Variants in CRYBG1 observed in about 807,000 individuals in gnomAD.
CRYBG1 encodes beta/gamma crystallin domain-containing protein 1.
Under a neutral mutation model 189.2 loss-of-function variants are expected in CRYBG1, and 139 were observed. That is an observed-to-expected ratio of 0.73 (90% CI 0.64 to 0.85). The LOEUF is 0.85. Ranked by LOEUF, CRYBG1 falls within the 40% of genes least tolerant of loss-of-function variation. The probability of loss-of-function intolerance (pLI) is 0.00; values close to 1 mark genes in which losing one functional copy is unlikely to be tolerated. For missense variants in CRYBG1, 2,611 were observed against 2,675.8 expected, an observed-to-expected ratio of 0.98 and a Z score of 0.53; for synonymous variants, 1,023 against 1,017.1, an observed-to-expected ratio of 1.01 and a Z score of -0.11.
At chr6:106,478,061 A>AAG (rs1772367390) in intron 2 of CRYBG1, among the ~76,000 whole-genome samples, 2 of 152,212 alleles carry the variant, frequency 1.3e-5, no homozygotes, top group Non-Finnish European at 2.9e-5. Context: ...CTGTGCCCCT[A>AAG]AGCTGGGATG....
At chr6:106,466,760 G>A (rs532551239) in intron 2 of CRYBG1, among the ~76,000 whole-genome samples, 79 of 152,312 alleles carry the variant, frequency 5.2e-4, no homozygotes, top group African/African-American at 1.9e-3. Flanking sequence ...AGTAGAATGT[G>A]TTTGGCTACA....
At chr6:106,462,050 G>A (rs1193467751) in intron 2 of CRYBG1, among the ~76,000 whole-genome samples, 1 of 152,164 alleles carries the variant, frequency 6.6e-6, no homozygotes, top group Non-Finnish European at 1.5e-5. Flanking sequence ...ATTATGCAAG[G>A]CTAACTAAGT....
At chr6:106,458,511 C>A (rs763342116) in intron 2 of CRYBG1, among the ~76,000 whole-genome samples, 2 of 152,146 alleles carry the variant, frequency 1.3e-5, no homozygotes, top group Non-Finnish European at 2.9e-5. Context: ...CCTTGTCAGA[C>A]TAGGAAGCCC....
chr6:106,458,139 G>A (rs1227456303), intron 2 of CRYBG1, among the ~76,000 whole-genome samples: 1 of 152,232 alleles, frequency 6.6e-6, no homozygotes, highest in Non-Finnish European at 1.5e-5. Flanking sequence ...AGTGGTTTAA[G>A]TTGTATTGTG....
chr6:106,398,333 G>A (rs1770651943), intron 1 of CRYBG1, among the ~76,000 whole-genome samples: 1 of 152,102 alleles, frequency 6.6e-6, no homozygotes, highest in African/African-American at 2.4e-5. Context: ...TGGGCAACAT[G>A]GCAAGGAGGC....
chr6:106,488,233 T>C (rs1024470813), intron 2 of CRYBG1, among the ~76,000 whole-genome samples: 3 of 152,190 alleles, frequency 2.0e-5, no homozygotes, highest in African/African-American at 7.2e-5. Context: ...CTCTCCTTAA[T>C]GGCATGGTCA....
chr6:106,528,236 T>C (rs559857727), intron 7 of CRYBG1, among the ~76,000 whole-genome samples: 1 of 152,328 alleles, frequency 6.6e-6, no homozygotes, highest in East Asian at 1.9e-4. Flanking sequence ...TGGTAATTGG[T>C]ATGCTAAATG....
rs116875931 is a variant in CRYBG1, at chr6:106,546,733, A to G, written c.5312+1800A>G. 1.3e-4 allele frequency among the ~76,000 whole-genome samples: 20 copies of G among 152,358 alleles called. No individual in the cohort carries two copies. The East Asian group carries it at 3.9e-3, about 29-fold the overall frequency. ...CCAGAAGTCATCTGAAATATAAGGT[A>G]CAAGTTATCTGAAATGTTGCTGGGG... On this transcript the variant is annotated intron_variant, in intron 13 of 21. Coordinates refer to ENST00000633556, the MANE Select transcript of CRYBG1 (RefSeq NM_001371242.2).
intron 8 of CRYBG1, among the ~76,000 whole-genome samples, chr6:106,534,142 A>G (rs994322290): frequency 2.6e-5 from 4 of 152,170 alleles, no homozygotes; most frequent in African/African-American, 4.8e-5. Flanking sequence ...GGCATCTGTT[A>G]TCATATTTTA....
intron 2 of CRYBG1, among the ~76,000 whole-genome samples, chr6:106,481,660 G>A (rs1379525141): frequency 1.3e-5 from 2 of 152,148 alleles, no homozygotes; most frequent in Non-Finnish European, 2.9e-5. Flanking sequence ...CTTCCTGTTG[G>A]GGGTCAAACA....
chr6:106,366,140 G>A (rs7747478), intron 1 of CRYBG1, among the ~76,000 whole-genome samples: 101,434 of 152,042 alleles, frequency 0.67, 34,019 homozygotes, highest in African/African-American at 0.74. Context: ...GTTAGTCTTC[G>A]TAACTTAAAA....
intron 21 of CRYBG1, among the ~76,000 whole-genome samples, chr6:106,566,167 G>GAAAAAAAAAAAAAAAAAA: frequency 1.6e-5 from 2 of 123,914 alleles, no homozygotes; most frequent in Admixed American, 8.2e-5. Flanking sequence ...GCACCAGCGT[G>GAAAAAAAAAAAAAAAAAA]AAAAAAAAAA....
At position 106,553,641 on chromosome 6, in the gene CRYBG1, T is replaced by G. The variant is rs990293527; in HGVS notation, c.5585+74T>G. ...AATTCACACATCAGCAAGTATATAG[T>G]GATGCCTGTTAGGTGCTTGGCACTA... is the stretch of plus-strand genomic sequence containing the variant. On this transcript the variant is annotated intron_variant, in intron 16 of 21. Transcript: ENST00000633556. 6 of 1,008,434 alleles carry G rather than the reference T, an allele frequency of 5.9e-6. No homozygotes were observed. The Admixed American group carries it at 9.1e-5, about 15-fold the overall frequency. 62.5% of individuals were successfully genotyped at this position (1,008,434 alleles called of 1,614,324 possible).
chr6:106,408,057 A>G (rs547837832), intron 1 of CRYBG1, among the ~76,000 whole-genome samples: 3 of 152,150 alleles, frequency 2.0e-5, no homozygotes, highest in Non-Finnish European at 2.9e-5. Flanking sequence ...GACAGGAAAA[A>G]CCCTTCAGAA....
At chr6:106,367,163 C>G (rs1443231356) in intron 1 of CRYBG1, among the ~76,000 whole-genome samples, 1 of 152,148 alleles carries the variant, frequency 6.6e-6, no homozygotes, top group African/African-American at 2.4e-5. Context: ...CTTTATCCCC[C>G]CTCTATTTCC....
intron 2 of CRYBG1, among the ~76,000 whole-genome samples, chr6:106,458,016 G>C (rs1276560016): frequency 1.3e-5 from 2 of 152,178 alleles, no homozygotes; most frequent in African/African-American, 4.8e-5. Flanking sequence ...AGGTGATAAG[G>C]GTGGGGGAAA....
intron 1 of CRYBG1, among the ~76,000 whole-genome samples, chr6:106,414,166 C>T (rs1414854726): frequency 1.3e-5 from 2 of 152,228 alleles, no homozygotes; most frequent in Non-Finnish European, 2.9e-5. Context: ...TCAAAGATTC[C>T]TGCTGTCTTT....
intron 1 of CRYBG1, among the ~76,000 whole-genome samples, chr6:106,413,034 C>T (rs1020487260): frequency 6.6e-6 from 1 of 151,390 alleles, no homozygotes; most frequent in African/African-American, 2.4e-5. Context: ...TCCAGAGGTT[C>T]ATTTTGTCAT....
intron 1 of CRYBG1, among the ~76,000 whole-genome samples, chr6:106,390,099 G>A (rs1770472171): frequency 6.6e-6 from 1 of 151,986 alleles, no homozygotes; most frequent in South Asian, 2.1e-4. Flanking sequence ...CAGGTTCCAG[G>A]CTTACAGTTT....
Sources: allele counts gnomAD v4.1 joint callset (sites outside exome capture counted in the v4.1 genomes callset), GRCh38; gene constraint gnomAD v4.1.1; transcripts MANE v1.5; gene names NCBI Gene and HGNC (gene_info 2026-07-23, HGNC 2026-07-21).